OSMR: variants seen among roughly 807,000 people sequenced by gnomAD.
OSMR encodes the protein oncostatin-M-specific receptor subunit beta.
In OSMR, 81 loss-of-function variants were observed where a neutral mutation model predicts 99.9. The ratio of observed to expected loss-of-function variants is 0.81; its 90% CI spans 0.68 to 0.97. The LOEUF is 0.97. Ranked by LOEUF, OSMR falls within the 50% of genes least tolerant of loss-of-function variation. The probability of loss-of-function intolerance (pLI) is 0.00; values close to 1 mark genes in which losing one functional copy is unlikely to be tolerated. For synonymous variants in OSMR, 406 were observed against 410.4 expected, an observed-to-expected ratio of 0.99 and a Z score of 0.13; for missense variants, 1,099 against 1,153.4, an observed-to-expected ratio of 0.95 and a Z score of 0.68.
intron 5 of OSMR, among the ~76,000 whole-genome samples, chr5:38,884,970 A>G (rs1205038610): frequency 2.6e-5 from 4 of 152,144 alleles, no homozygotes; most frequent in Non-Finnish European, 5.9e-5. Flanking sequence ...TGCCTGTTGA[A>G]TTTAGCAGGT....
chr5:38,907,608 A>C (rs1379773493), intron 9 of OSMR, among the ~76,000 whole-genome samples: 1 of 152,150 alleles, frequency 6.6e-6, no homozygotes, highest in Non-Finnish European at 1.5e-5. Context: ...CAGCCTTGCC[A>C]CACTAGCTGG....
intron 7 of OSMR, among the ~76,000 whole-genome samples, chr5:38,894,328 A>C (rs1744347477): frequency 6.6e-6 from 1 of 152,098 alleles, no homozygotes; most frequent in South Asian, 2.1e-4. Flanking sequence ...TATCAATATA[A>C]ATCTGGAATG....
chr5:38,903,739 T>A (rs1039862822), intron 7 of OSMR, 143 bp from the exon 8 acceptor site: 1 of 1,476,146 alleles, frequency 6.8e-7, no homozygotes, highest in East Asian at 2.5e-5. Flanking sequence ...TTCTAGCTTG[T>A]CTGTAAGTTC....
chr5:38,875,338 A>C (rs1327661437), intron 2 of OSMR, among the ~76,000 whole-genome samples: 1 of 152,234 alleles, frequency 6.6e-6, no homozygotes, highest in Non-Finnish European at 1.5e-5. Context: ...TTTAAGAATC[A>C]GCAGTGACTT....
At chr5:38,886,618 T>C (rs1743792363) in intron 7 of OSMR, 1 of 158,304 alleles carries the variant, frequency 6.3e-6, no homozygotes, top group African/African-American at 2.4e-5. Context: ...AATTCAGTAA[T>C]TATGTTTATA....
intron 3 of OSMR, among the ~76,000 whole-genome samples, chr5:38,877,827 A>AC (rs1358137242): frequency 1.3e-5 from 2 of 152,186 alleles, no homozygotes; most frequent in South Asian, 4.1e-4. Context: ...TTAGCCATAC[A>AC]CCAAGTGGAT....
chr5:38,889,162 T>C (rs963260526), intron 7 of OSMR, among the ~76,000 whole-genome samples: 21 of 152,122 alleles, frequency 1.4e-4, no homozygotes, highest in Admixed American at 1.3e-3. Flanking sequence ...GTTGATGTGT[T>C]CAGTAATATG....
intron 1 of OSMR, among the ~76,000 whole-genome samples, chr5:38,851,169 A>C (rs1418532453): frequency 2.0e-5 from 3 of 152,192 alleles, no homozygotes; most frequent in Non-Finnish European, 4.4e-5. Flanking sequence ...TGCCACTTGC[A>C]CAAGACTGAG....
At chr5:38,908,893 A>G (rs898411478) in intron 9 of OSMR, among the ~76,000 whole-genome samples, 15 of 152,242 alleles carry the variant, frequency 9.9e-5, no homozygotes, top group African/African-American at 3.6e-4. Context: ...TCCAAAGACC[A>G]CACTAGCATC....
intron 15 of OSMR, among the ~76,000 whole-genome samples, chr5:38,928,493 C>T (rs550096205): frequency 6.6e-6 from 1 of 152,192 alleles, no homozygotes; most frequent in African/African-American, 2.4e-5. Flanking sequence ...CACATGGCGG[C>T]AGGAGAGAGA....
intron 7 of OSMR, among the ~76,000 whole-genome samples, chr5:38,888,131 TATA>T (rs551161304): frequency 1.8e-3 from 269 of 152,164 alleles, no homozygotes; most frequent in African/African-American, 6.1e-3. Context: ...AGTGGCTGCT[TATA>T]AGAGGAAGCT....
At chr5:38,870,271 A>G (rs893479763) in intron 2 of OSMR, among the ~76,000 whole-genome samples, 2 of 152,142 alleles carry the variant, frequency 1.3e-5, no homozygotes, top group Non-Finnish European at 1.5e-5. Flanking sequence ...CTTACTTGCT[A>G]AAATCTAAGC....
intron 9 of OSMR, among the ~76,000 whole-genome samples, chr5:38,916,431 T>C (rs1745900911): frequency 6.6e-6 from 1 of 152,230 alleles, no homozygotes; most frequent in African/African-American, 2.4e-5. Flanking sequence ...TAACTTACTC[T>C]CTCTGGGTCT....
chr5:38,888,414 G>GCAAA (rs1743941121), intron 7 of OSMR, among the ~76,000 whole-genome samples: 1 of 151,246 alleles, frequency 6.6e-6, no homozygotes, highest in East Asian at 2.0e-4. Flanking sequence ...TGAAGTTTGG[G>GCAAA]TGGGGTGGCG....
chr5:38,871,091 A>T (rs2112261604), intron 2 of OSMR, among the ~76,000 whole-genome samples: 1 of 152,304 alleles, frequency 6.6e-6, no homozygotes, highest in East Asian at 1.9e-4. Context: ...GAAAATAATA[A>T]AACAATAGTA....
chr5:38,863,135 G>A (rs1357866492), intron 1 of OSMR, among the ~76,000 whole-genome samples: 1 of 144,644 alleles, frequency 6.9e-6, no homozygotes, highest in Non-Finnish European at 1.5e-5. Context: ...CTTCGGCTCG[G>A]CATCAGAGGG....
rs77113635 is a variant in OSMR, at chr5:38,849,247, C to T, written c.-14+2860C>T. ...AATCTGAGGAGAGGTATTCCTGTGT[C>T]AAAGGGTTTGCCCCTTTTTCCACTT... On this transcript the variant is annotated intron_variant, in intron 1 of 17. Coordinates refer to ENST00000274276, the MANE Select transcript of OSMR (RefSeq NM_003999.3). 2.8e-3 allele frequency among the ~76,000 whole-genome samples: 427 copies of T among 152,284 alleles called. 6 individuals carry two copies. The highest frequency in any genetic ancestry group is 9.9e-3 in the African/African-American group (410 of 41,546).
intron 1 of OSMR, among the ~76,000 whole-genome samples, chr5:38,862,307 T>C (rs1741476896): frequency 2.2e-5 from 2 of 90,864 alleles, no homozygotes; most frequent in Non-Finnish European, 2.2e-5. Flanking sequence ...CCCCCCCACC[T>C]CCCTCCCGGA....
At chr5:38,865,961 T>A (rs1252277108) in intron 1 of OSMR, among the ~76,000 whole-genome samples, 2 of 152,152 alleles carry the variant, frequency 1.3e-5, no homozygotes, top group Non-Finnish European at 2.9e-5. Context: ...GTGGCAGTGA[T>A]GATGGCAGGC....
Sources: allele counts gnomAD v4.1 joint callset (sites outside exome capture counted in the v4.1 genomes callset), GRCh38; gene constraint gnomAD v4.1.1; transcripts MANE v1.5; gene names NCBI Gene and HGNC (gene_info 2026-07-23, HGNC 2026-07-21).